The following HSPG2 variants were observed in gnomAD, a reference collection of about 807,000 sequenced individuals.
HSPG2 encodes the protein basement membrane-specific heparan sulfate proteoglycan core protein.
In HSPG2, 278 loss-of-function variants were observed where a neutral mutation model predicts 526.6. The ratio of observed to expected loss-of-function variants is 0.53; its 90% CI spans 0.48 to 0.58. The LOEUF is 0.58. Ranked by LOEUF, HSPG2 falls within the 20% of genes least tolerant of loss-of-function variation. The pLI is 0.00. For synonymous variants in HSPG2, 2,465 were observed against 2,555.4 expected, an observed-to-expected ratio of 0.96 and a Z score of 1.07; for missense variants, 5,354 against 6,099.5, an observed-to-expected ratio of 0.88 and a Z score of 4.07.
Position 21,822,383 on chromosome 1 carries a change from C to T in HSPG2, c.*933G>A. 4.4e-6 allele frequency: 3 copies of T among 679,404 alleles called. No individual in the cohort carries two copies. The highest frequency in any genetic ancestry group is 3.4e-5 in the South Asian group (2 of 58,534). The allele number at this position is 679,404 out of a possible 1,614,324, so 42.1% of individuals were successfully genotyped here. Reference sequence around the variant, plus strand: ...ATGGCACTTGAGCTGGATCTTCAGGCTCCTGCAGATGGGGCAGGGTGGTCA... The same window carrying T: ...ATGGCACTTGAGCTGGATCTTCAGGTTCCTGCAGATGGGGCAGGGTGGTCA... On this transcript the variant is annotated 3_prime_UTR_variant, in exon 97 of 97. Coordinates refer to ENST00000374695, the MANE Select transcript of HSPG2 (RefSeq NM_005529.7).
rs1054737618 is a variant in HSPG2 at position 21,848,430 on chromosome 1, T to C, written c.7737+213A>G. ...GGCACAGGACATGGCCCGGAGCAGC[T>C]TTTCAGTGAGATTTGGTGCAGAAGT... On this transcript the variant is annotated intron_variant, in intron 59 of 96. Coordinates refer to ENST00000374695, the MANE Select transcript of HSPG2 (RefSeq NM_005529.7). The surrounding 1 kb of genome is among the most constrained non-coding windows in gnomAD (Gnocchi z 4.9). Among the ~76,000 whole-genome samples the C allele has an allele frequency of 3.3e-5, 5 of 152,130 alleles. No individual in the cohort carries two copies. The highest frequency in any genetic ancestry group is 7.4e-5 in the Non-Finnish European group (5 of 68,014).
Position 21,842,832 on chromosome 1 carries a change from C to T in HSPG2, c.8848G>A (p.Gly2950Arg), listed in dbSNP as rs41266007. Reference sequence around the variant, plus strand: ...CACGTGACCTGGGCATGGGCCTGCCCGGGCACCACACAGTTCAGATCCAGA... The same window carrying T: ...CACGTGACCTGGGCATGGGCCTGCCTGGGCACCACACAGTTCAGATCCAGA... ...QTLDLNCVVP[G>R]QAHAQVTWYK... The change falls in exon 67 of 97, where the codon GGG (glycine) becomes AGG (arginine). Residue 2950 changes from glycine to arginine, a missense_variant. Coordinates refer to ENST00000374695, the MANE Select transcript of HSPG2 (RefSeq NM_005529.7). 30,113 of 1,614,020 alleles carry T rather than the reference C, an allele frequency of 0.019. 345 individuals are homozygous for T. The highest frequency in any genetic ancestry group is 0.023 in the Non-Finnish European group (26,918 of 1,180,020).
chr1:21,864,066 C>G lies in HSPG2; in HGVS notation c.4740+34G>C. ...GGTCCCCCACCCAGGCCCAGCTGAG[C>G]TGACCCCCTGTCCTGGCCTCGCTTG... On this transcript the variant is annotated intron_variant, in intron 37 of 96. Coordinates refer to ENST00000374695, the MANE Select transcript of HSPG2 (RefSeq NM_005529.7). This position sits in a 1 kb window ranked among gnomAD's most constrained non-coding sequence, Gnocchi z 4.8. 1 of 1,502,854 alleles carries G rather than the reference C, an allele frequency of 6.7e-7. No individual in the cohort carries two copies. Among genetic ancestry groups the G allele is most frequent in the Non-Finnish European group, 9.1e-7 (1 of 1,104,432 alleles). The allele number at this position is 1,502,854 out of a possible 1,614,324, so 93.1% of individuals were successfully genotyped here. A position where few individuals can be genotyped will look rare whatever the true frequency, so the allele number is the denominator to read the frequency against.
intron 71 of HSPG2, 146 bp downstream of exon 71, chr1:21,840,954 GT>G: frequency 1.4e-6 from 1 of 706,780 alleles, no homozygotes; most frequent in Non-Finnish European, 2.5e-6. Context: ...CAGTCTATTC[GT>G]CATCCACCCA....
chr1:21,842,665 T>A, intron 67 of HSPG2, 105 bp downstream of exon 67: 1 of 1,473,820 alleles, frequency 6.8e-7, no homozygotes, highest in Non-Finnish European at 9.4e-7. Flanking sequence ...TTTTATCCCC[T>A]GGGGTCCCCA....
chr1:21,848,580 C>T lies in HSPG2; in HGVS notation c.7737+63G>A, dbSNP rs1638636806. Reference sequence around the variant, plus strand: ...GCACAGAGTGAGGTGCTGAGAGTCCCCCCTCTTCCCATTGGGGGCTGGTGT... The same window carrying T: ...GCACAGAGTGAGGTGCTGAGAGTCCTCCCTCTTCCCATTGGGGGCTGGTGT... On this transcript the variant is annotated intron_variant, in intron 59 of 96. Coordinates refer to ENST00000374695, the MANE Select transcript of HSPG2 (RefSeq NM_005529.7). This position sits in a 1 kb window ranked among gnomAD's most constrained non-coding sequence, Gnocchi z 4.9. 1.9e-6 allele frequency: 3 copies of T among 1,568,378 alleles called. No individual in the cohort carries two copies. In the African/African-American group the frequency reaches 4.1e-5, roughly 21 times the overall value.
Position 21,828,195 on chromosome 1 carries a change from T to C in HSPG2, c.12410-43A>G. ...GGCGAGTGGGTGGGTGGGCATGGGC[T>C]GGAGGTGTCGCTGACCACCTGTGCC... is the stretch of plus-strand genomic sequence containing the variant. On this transcript the variant is annotated intron_variant, in intron 89 of 96. Transcript: ENST00000374695. The surrounding 1 kb of genome is among the most constrained non-coding windows in gnomAD (Gnocchi z 6.0). The C allele has an allele frequency of 6.2e-7, 1 of 1,612,724 alleles. No individual in the cohort carries two copies. The highest frequency in any genetic ancestry group is 8.5e-7 in the Non-Finnish European group (1 of 1,179,822).
rs138786737 is a variant in HSPG2, at chr1:21,850,760, C to T, written c.7159-262G>A. 0.014 allele frequency among the ~76,000 whole-genome samples: 2,187 copies of T among 152,258 alleles called. 53 individuals carry two copies. Among genetic ancestry groups the T allele is most frequent in the African/African-American group, 0.05 (2,056 of 41,532 alleles). ...TGTCTCCAAAATCAAGATGCATCTA[C>T]AATGAATAACCTTACAAATAGAAGC... On this transcript the variant is annotated intron_variant, in intron 55 of 96. Transcript: ENST00000374695.
rs1234151742 is a variant in HSPG2 at position 21,828,305 on chromosome 1, A to G, written c.12359T>C (p.Met4120Thr). Reference protein sequence around the residue: ...RQPCQHGATCMPAGEYEFQCL... With the variant: ...RQPCQHGATCTPAGEYEFQCL... ...CTGGAACTCATACTCGCCAGCGGGC[A>G]TGCACGTGGCACCATGTTGGCAAGG... Residue 4120 changes from methionine (M) to threonine (T), a missense_variant, in exon 89 of 97, where the codon ATG becomes ACG. Transcript: ENST00000374695. The surrounding 1 kb of genome is among the most constrained non-coding windows in gnomAD (Gnocchi z 6.0). 1 of 1,613,730 alleles carries G rather than the reference A, an allele frequency of 6.2e-7. No individual in the cohort carries two copies. Among genetic ancestry groups the G allele is most frequent in the Non-Finnish European group, 8.5e-7 (1 of 1,180,040 alleles).
Position 21,839,604 on chromosome 1 carries a change from C to T in HSPG2, c.9710-54G>A. On this transcript the variant is annotated intron_variant, in intron 72 of 96. Transcript: ENST00000374695. The surrounding 1 kb of genome is among the most constrained non-coding windows in gnomAD (Gnocchi z 4.5). ...GTCACTGGGCTACCTCAGGGACCCG[C>T]AGAGGGTGGCCATGGTGAGGAAGGG... 3 of 1,594,614 alleles carry T rather than the reference C, an allele frequency of 1.9e-6. 1 individual carries two copies. The highest frequency in any genetic ancestry group is 4.5e-5 in the East Asian group (2 of 44,246).
At chr1:21,867,500 C>T (rs1640333455) in intron 33 of HSPG2, among the ~76,000 whole-genome samples, 1 of 152,118 alleles carries the variant, frequency 6.6e-6, no homozygotes, top group South Asian at 2.1e-4. Flanking sequence ...GCCCTACTTT[C>T]CTCACATGGA....
rs577489239 is a variant in HSPG2, at chr1:21,864,327, G to C, written c.4627-114C>G. The stretch of plus-strand genomic sequence containing the variant: ...CAGGGGTGACCCTGGAACATCACAG[G>C]CCGGCGCCCCTCCTTCCCCACTTCT... On this transcript the variant is annotated intron_variant, in intron 36 of 96. Transcript: ENST00000374695. This position sits in a 1 kb window ranked among gnomAD's most constrained non-coding sequence, Gnocchi z 4.8. 2.8e-4 allele frequency: 238 copies of C among 861,746 alleles called. 1 individual carries two copies. The highest frequency in any genetic ancestry group is 2.7e-3 in the African/African-American group (163 of 59,510). 53.4% of individuals were successfully genotyped at this position (861,746 alleles called of 1,614,324 possible).
In HSPG2 at chr1:21,823,194, T is replaced by A; in HGVS notation, c.*122A>T. 7.2e-6 allele frequency: 7 copies of A among 977,278 alleles called. No homozygotes were observed. In the South Asian group the frequency reaches 1.6e-4, roughly 22 times the overall value. 60.5% of individuals were successfully genotyped at this position (977,278 alleles called of 1,614,324 possible). The stretch of plus-strand genomic sequence containing the variant: ...CCACCTCCAGTCCAGCCCAGGGCGG[T>A]AGCAGCAAAGCGTGGCATCGCCTCG... On this transcript the variant is annotated 3_prime_UTR_variant, in exon 97 of 97. Coordinates refer to ENST00000374695, the MANE Select transcript of HSPG2 (RefSeq NM_005529.7).
At chr1:21,876,754 G>A (rs1641099988) in intron 21 of HSPG2, 102 bp from the exon 22 acceptor site, 8 of 1,510,032 alleles carry the variant, frequency 5.3e-6, no homozygotes, top group Non-Finnish European at 7.3e-6. Flanking sequence ...AAGACCCAGG[G>A]GAGCCACTGA....
At chr1:21,854,149 G>A in intron 50 of HSPG2, 44 bp downstream of exon 50, 1 of 1,527,774 alleles carries the variant, frequency 6.5e-7, no homozygotes, top group Non-Finnish European at 8.8e-7. Context: ...TTCCTTGGGA[G>A]CTCCTAGGGC....
intron 29 of HSPG2, 40 bp downstream of exon 29, chr1:21,873,885 C>A (rs1185527524): frequency 9.9e-6 from 15 of 1,512,358 alleles, no homozygotes; most frequent in Non-Finnish European, 1.3e-5. Context: ...AGGGACACCC[C>A]CTGTGCGCAT....
Position 21,824,072 on chromosome 1 carries a change from C to T in HSPG2, c.12899+49G>A. 3.9e-6 allele frequency: 6 copies of T among 1,524,674 alleles called. No homozygotes were observed. Among genetic ancestry groups the T allele is most frequent in the Non-Finnish European group, 5.4e-6 (6 of 1,107,960 alleles). The allele number at this position is 1,524,674 out of a possible 1,614,324, so 94.4% of individuals were successfully genotyped here. A position where few individuals can be genotyped will look rare whatever the true frequency, so the allele number is the denominator to read the frequency against. On this transcript the variant is annotated intron_variant, in intron 95 of 96. Coordinates refer to ENST00000374695, the MANE Select transcript of HSPG2 (RefSeq NM_005529.7). This position sits in a 1 kb window ranked among gnomAD's most constrained non-coding sequence, Gnocchi z 5.9. ...GCCCATGGTAGGGGGCGTCCTGCCC[C>T]ACTCCAGAACGCTGGGCCCCATCCC...
At chr1:21,836,650 A>T in intron 75 of HSPG2, 152 bp downstream of exon 75, 1 of 716,610 alleles carries the variant, frequency 1.4e-6, no homozygotes, top group Non-Finnish European at 2.4e-6. Context: ...AACCCACTGT[A>T]CAGCTGAGAA....
At chr1:21,843,189 C>T (rs886164583) in intron 66 of HSPG2, 108 bp downstream of exon 66, 7 of 1,508,172 alleles carry the variant, frequency 4.6e-6, no homozygotes, top group East Asian at 2.3e-5. Flanking sequence ...TAGGAAACCC[C>T]GCCTGCAGGC....
Sources: gnomAD v4.1 joint callset for allele counts (sites outside exome capture counted in the v4.1 genomes callset) on GRCh38, gnomAD v4.1.1 for gene constraint, Gnocchi (gnomAD v3.1) non-coding constraint, MANE v1.5 for transcripts, NCBI Gene and HGNC (gene_info 2026-07-23, HGNC 2026-07-21) for gene names.